SULF2: variants seen among roughly 807,000 people sequenced by gnomAD.
The protein encoded by SULF2 is extracellular sulfatase Sulf-2.
In SULF2, 52 loss-of-function variants were observed where a neutral mutation model predicts 107.7. The observed-to-expected ratio is 0.48, with a 90% CI of 0.39 to 0.61. SULF2 has a LOEUF of 0.61. SULF2 is among the 20% of genes least tolerant of loss of function. The probability of loss-of-function intolerance (pLI) is 0.00; values close to 1 mark genes in which losing one functional copy is unlikely to be tolerated. For missense variants in SULF2, 993 were observed against 1,177.3 expected (o/e 0.84, Z 2.29); for synonymous variants, 460 against 464.3 (o/e 0.99, Z 0.12).
chr20:47,677,352 C>T (rs890358421), intron 8 of SULF2, among the ~76,000 whole-genome samples: 2 of 152,002 alleles, frequency 1.3e-5, no homozygotes, highest in African/African-American at 4.8e-5. Flanking sequence ...GAGACACACA[C>T]AGTAGAAATG....
At chr20:47,689,265 C>T (rs1359458317) in intron 5 of SULF2, among the ~76,000 whole-genome samples, 1 of 152,240 alleles carries the variant, frequency 6.6e-6, no homozygotes, top group Non-Finnish European at 1.5e-5. Context: ...AGACCCTCCA[C>T]ATTGTAGAAG....
At chr20:47,692,405 T>C (rs1214116308) in intron 4 of SULF2, among the ~76,000 whole-genome samples, 1 of 152,184 alleles carries the variant, frequency 6.6e-6, no homozygotes, top group Non-Finnish European at 1.5e-5. Flanking sequence ...TATGCATGTA[T>C]ATATATTATA....
intron 3 of SULF2, among the ~76,000 whole-genome samples, chr20:47,714,861 A>G (rs180849955): frequency 2.1e-4 from 32 of 152,056 alleles, no homozygotes; most frequent in Admixed American, 1.2e-3. Context: ...GAAAGAAATC[A>G]CCTTCCTCAG....
At chr20:47,665,445 G>A (rs1419013274) in intron 13 of SULF2, 152 bp from the exon 14 acceptor site, 4 of 661,468 alleles carry the variant, frequency 6.0e-6, no homozygotes, top group Non-Finnish European at 1.1e-5. Flanking sequence ...ATGTCTGGGT[G>A]GGGAGGAGGT....
At position 47,678,452 on chromosome 20, in the gene SULF2, G is replaced by A; in HGVS notation, c.1193+224C>T. The A allele has an allele frequency of 1.7e-6, 1 of 590,964 alleles. No individual in the cohort carries two copies. 36.6% of individuals were successfully genotyped at this position (590,964 alleles called of 1,614,324 possible). A position where few individuals can be genotyped will look rare whatever the true frequency, so the allele number is the denominator to read the frequency against. On this transcript the variant is annotated intron_variant, in intron 8 of 20. Coordinates refer to ENST00000688720, the MANE Select transcript of SULF2 (RefSeq NM_001387048.1). This position sits in a 1 kb window ranked among gnomAD's most constrained non-coding sequence, Gnocchi z 4.5. ...TTTGGGTAATTTTAGCTCAGAGAAG[G>A]TCCCCAACTGGTCACCTTGGCCACA... is the stretch of plus-strand genomic sequence containing the variant.
chr20:47,728,733 C>T (rs779299955), intron 3 of SULF2, among the ~76,000 whole-genome samples: 8 of 150,304 alleles, frequency 5.3e-5, no homozygotes, highest in Non-Finnish European at 1.0e-4. Context: ...GCAACCTCCA[C>T]CTCCCTGGTT....
chr20:47,673,096 C>T (rs922625390), intron 10 of SULF2, among the ~76,000 whole-genome samples: 14 of 152,222 alleles, frequency 9.2e-5, no homozygotes, highest in Admixed American at 2.0e-4. Flanking sequence ...CCAAATCTCT[C>T]GTGTTGATCC....
At chr20:47,773,459 T>C (rs1376699317) in intron 1 of SULF2, among the ~76,000 whole-genome samples, 2 of 152,228 alleles carry the variant, frequency 1.3e-5, no homozygotes, top group African/African-American at 4.8e-5. Context: ...GGGGTGGGAA[T>C]GTGCACAATG....
intron 4 of SULF2, among the ~76,000 whole-genome samples, chr20:47,700,299 C>G (rs1030055536): frequency 2.6e-5 from 4 of 152,162 alleles, no homozygotes; most frequent in African/African-American, 7.2e-5. Context: ...TGTATATTAT[C>G]TATGGCTGCT....
intron 2 of SULF2, among the ~76,000 whole-genome samples, chr20:47,752,742 C>A (rs1416475511): frequency 6.6e-6 from 1 of 151,800 alleles, no homozygotes; most frequent in Non-Finnish European, 1.5e-5. Context: ...CAGAGCGAGA[C>A]CCCGTCTCAA....
chr20:47,780,993 C>A (rs1410738600), intron 1 of SULF2, among the ~76,000 whole-genome samples: 2 of 152,258 alleles, frequency 1.3e-5, no homozygotes, highest in African/African-American at 4.8e-5. Context: ...CCCCAGCATC[C>A]AGGACCCTCC....
Position 47,662,995 on chromosome 20 carries a change from TG to T in SULF2, c.2370+74del, listed in dbSNP as rs1019552752. 5 of 1,571,070 alleles carry T rather than the reference TG, an allele frequency of 3.2e-6. No individual in the cohort carries two copies. In the African/African-American group the frequency reaches 5.4e-5, roughly 17 times the overall value. On this transcript the variant is annotated intron_variant, in intron 17 of 20. Transcript: ENST00000688720. ...CTTGGACAATTTGTCATCACTTCCC[TG>T]AGGTTGGGGGGGGCCTACCTGGCAG...
chr20:47,724,306 C>T (rs1022883256), intron 3 of SULF2, among the ~76,000 whole-genome samples: 1 of 152,198 alleles, frequency 6.6e-6, no homozygotes, highest in Non-Finnish European at 1.5e-5. Context: ...ATCGCCAGGG[C>T]GAGAGGCGAG....
At chr20:47,761,618 A>G (rs1020832498) in intron 1 of SULF2, among the ~76,000 whole-genome samples, 1 of 152,214 alleles carries the variant, frequency 6.6e-6, no homozygotes, top group Non-Finnish European at 1.5e-5. Context: ...TCGCGCTCGC[A>G]CTCTCTTTTG....
At chr20:47,673,353 C>T (rs912991354) in intron 10 of SULF2, among the ~76,000 whole-genome samples, 2 of 152,194 alleles carry the variant, frequency 1.3e-5, no homozygotes, top group Non-Finnish European at 2.9e-5. Context: ...CTACACCTCA[C>T]GCTACCCTAC....
At chr20:47,699,105 G>T (rs1028452437) in intron 4 of SULF2, among the ~76,000 whole-genome samples, 9 of 152,146 alleles carry the variant, frequency 5.9e-5, no homozygotes, top group Non-Finnish European at 1.0e-4. Flanking sequence ...TACTGGGGAT[G>T]ACAAAATAGA....
At position 47,694,522 on chromosome 20, in the gene SULF2, G is replaced by A. The variant is rs946267650; in HGVS notation, c.568-4227C>T. On this transcript the variant is annotated intron_variant, in intron 4 of 20. Transcript: ENST00000688720. The surrounding 1 kb of genome is among the most constrained non-coding windows in gnomAD (Gnocchi z 4.4). ...CCAGGTGCATTTTCCAGAACCCGGC[G>A]CCCAGGAGTCAGGCTCTACCCAGGT... Among the ~76,000 whole-genome samples, 1 of 152,128 alleles carries A rather than the reference G, an allele frequency of 6.6e-6. No homozygotes were observed. Among genetic ancestry groups the A allele is most frequent in the Non-Finnish European group, 1.5e-5 (1 of 68,014 alleles).
Position 47,659,524 on chromosome 20 carries a change from T to C in SULF2, c.2529-72A>G, listed in dbSNP as rs1568772255. On this transcript the variant is annotated intron_variant, in intron 19 of 20. Coordinates refer to ENST00000688720, the MANE Select transcript of SULF2 (RefSeq NM_001387048.1). ...GAAAGAAAAAGTCCCCAAAGAACTA[T>C]ACAAAGAAGGTCTCCTAGGTGACAC... is the stretch of plus-strand genomic sequence containing the variant. 12 of 1,539,064 alleles carry C rather than the reference T, an allele frequency of 7.8e-6. No individual in the cohort carries two copies. The East Asian group carries it at 2.0e-4, about 26-fold the overall frequency.
chr20:47,702,606 C>A lies in SULF2; in HGVS notation c.480G>T (p.Trp160Cys). Residue 160 changes from tryptophan to cysteine, a missense_variant, in exon 4 of 21, where the codon TGG (tryptophan) becomes TGT (cysteine). Trp to Cys is a radical substitution (Grantham distance 215). Transcript: ENST00000688720. ...GSYVPPGWKE[W>C]VGLLKNSRFY... ...AGCGGGAGTTTTTAAGGAGTCCGACCCACTCCTTCCAGCCGGGTGGCACGT... is the reference window on the plus strand; with the variant it reads ...AGCGGGAGTTTTTAAGGAGTCCGACACACTCCTTCCAGCCGGGTGGCACGT... 6.2e-7 allele frequency: 1 copy of A among 1,613,766 alleles called. No homozygotes were observed. Among genetic ancestry groups the A allele is most frequent in the Admixed American group, 1.7e-5 (1 of 60,014 alleles).
Sources: allele counts gnomAD v4.1 joint callset (sites outside exome capture counted in the v4.1 genomes callset), GRCh38; gene constraint gnomAD v4.1.1; non-coding constraint Gnocchi (gnomAD v3.1); transcripts MANE v1.5; gene names NCBI Gene and HGNC (gene_info 2026-07-23, HGNC 2026-07-21).